Variants in RABGAP1L observed in about 807,000 individuals in gnomAD.
RABGAP1L encodes the protein rab GTPase-activating protein 1-like.
In RABGAP1L, 63 loss-of-function variants were observed where a neutral mutation model predicts 137.7. The ratio of observed to expected loss-of-function variants is 0.46; its 90% CI spans 0.37 to 0.56. The LOEUF is 0.56. Among genes scored for constraint, RABGAP1L ranks in the 20% least tolerant of loss-of-function variants. RABGAP1L has a pLI of 0.00. For synonymous variants in RABGAP1L, 431 were observed against 433.7 expected (o/e 0.99, Z 0.08); for missense variants, 1,095 against 1,244.0 (o/e 0.88, Z 1.80).
At chr1:174,892,866 A>G (rs1233087817) in intron 19 of RABGAP1L, among the ~76,000 whole-genome samples, 4 of 141,710 alleles carry the variant, frequency 2.8e-5, no homozygotes, top group Non-Finnish European at 6.1e-5. Flanking sequence ...AGTAGCTGGG[A>G]TTACAGGCGC....
intron 19 of RABGAP1L, chr1:174,877,464 AGCT>A: frequency 6.2e-7 from 1 of 1,613,640 alleles, no homozygotes. Flanking sequence ...CTGGGACAGC[AGCT>A]GCTGCTGTGG....
intron 1 of RABGAP1L, among the ~76,000 whole-genome samples, chr1:174,172,176 T>TTG (rs34345014): frequency 0.07 from 8,575 of 123,174 alleles, 380 homozygotes; most frequent in East Asian, 0.22. Flanking sequence ...TAATATTCCC[T>TTG]TGTGTGTGTG....
intron 1 of RABGAP1L, among the ~76,000 whole-genome samples, chr1:174,195,071 T>C (rs761061337): frequency 1.3e-5 from 2 of 152,174 alleles, no homozygotes; most frequent in Non-Finnish European, 2.9e-5. Context: ...AAGAGTATAT[T>C]ATATGAGTGA....
chr1:174,548,814 G>A (rs1191207738), intron 13 of RABGAP1L, among the ~76,000 whole-genome samples: 1 of 152,108 alleles, frequency 6.6e-6, no homozygotes, highest in African/African-American at 2.4e-5. Flanking sequence ...AACACTAAAA[G>A]TATACCTGAA....
At chr1:174,887,153 G>C (rs1655301425) in intron 19 of RABGAP1L, among the ~76,000 whole-genome samples, 1 of 152,074 alleles carries the variant, frequency 6.6e-6, no homozygotes, top group Admixed American at 6.6e-5. Flanking sequence ...AAATCAAAAG[G>C]CCACTTCCAA....
chr1:174,634,280 A>G (rs576063492), intron 13 of RABGAP1L, among the ~76,000 whole-genome samples: 361 of 124,050 alleles, frequency 2.9e-3, no homozygotes, highest in African/African-American at 9.7e-3. Flanking sequence ...AACACATGAA[A>G]AAATGCTCAT....
chr1:174,834,340 C>T (rs1212515505), intron 19 of RABGAP1L, among the ~76,000 whole-genome samples: 6 of 151,312 alleles, frequency 4.0e-5, no homozygotes, highest in Admixed American at 1.3e-4. Flanking sequence ...GCAGGAGAAT[C>T]GCTTGAACCT....
intron 13 of RABGAP1L, among the ~76,000 whole-genome samples, chr1:174,570,477 G>A (rs1001140012): frequency 3.9e-5 from 6 of 152,048 alleles, no homozygotes; most frequent in African/African-American, 1.4e-4. Flanking sequence ...TGATACACAC[G>A]AACATAAATA....
chr1:174,315,289 T>G (rs1417040596), intron 11 of RABGAP1L, among the ~76,000 whole-genome samples: 1 of 152,174 alleles, frequency 6.6e-6, no homozygotes. Context: ...TTTTCCACTA[T>G]AAGTATAGCT....
intron 4 of RABGAP1L, among the ~76,000 whole-genome samples, chr1:174,236,518 C>T (rs1475984328): frequency 3.3e-5 from 5 of 149,694 alleles, no homozygotes; most frequent in African/African-American, 4.9e-5. Context: ...GCCTTCATTT[C>T]GTTATGTACC....
At chr1:174,653,142 C>T (rs1057495895) in intron 14 of RABGAP1L, among the ~76,000 whole-genome samples, 1 of 152,148 alleles carries the variant, frequency 6.6e-6, no homozygotes, top group African/African-American at 2.4e-5. Flanking sequence ...GTGGACGCCC[C>T]TCCCCCAACC....
At chr1:174,365,695 C>T (rs539781172) in intron 11 of RABGAP1L, among the ~76,000 whole-genome samples, 3 of 152,308 alleles carry the variant, frequency 2.0e-5, no homozygotes, top group South Asian at 2.1e-4. Flanking sequence ...CTGCACCACA[C>T]GGTGGCTGCT....
intron 13 of RABGAP1L, among the ~76,000 whole-genome samples, chr1:174,395,838 T>TAAAAA (rs59466961): frequency 1.6e-5 from 2 of 125,856 alleles, no homozygotes; most frequent in Non-Finnish European, 3.4e-5. Context: ...ACCCTGTCTC[T>TAAAAA]AAAAAAAAAA....
intron 22 of RABGAP1L, among the ~76,000 whole-genome samples, chr1:174,977,852 A>G (rs892306674): frequency 1.3e-5 from 2 of 150,976 alleles, no homozygotes; most frequent in African/African-American, 4.9e-5. Context: ...TAACTTACCA[A>G]TTGCTTTTAG....
At chr1:174,511,232 G>A (rs1662300768) in intron 13 of RABGAP1L, among the ~76,000 whole-genome samples, 1 of 152,136 alleles carries the variant, frequency 6.6e-6, no homozygotes, top group South Asian at 2.1e-4. Context: ...TGTCTATAAG[G>A]TACATAAGGC....
intron 18 of RABGAP1L, among the ~76,000 whole-genome samples, chr1:174,810,578 CATGTAGTT>C (rs1345515392): frequency 1.3e-5 from 2 of 152,112 alleles, no homozygotes. Context: ...TTTGACACAG[CATGTAGTT>C]ATGTGATTTC....
chr1:174,461,295 A>C (rs1335954376), intron 13 of RABGAP1L, among the ~76,000 whole-genome samples: 1 of 152,042 alleles, frequency 6.6e-6, no homozygotes, highest in Non-Finnish European at 1.5e-5. Flanking sequence ...TTCAGTAGTT[A>C]AGCACTGACC....
intron 19 of RABGAP1L, among the ~76,000 whole-genome samples, chr1:174,830,316 C>T (rs1254915748): frequency 6.8e-6 from 1 of 147,278 alleles, no homozygotes; most frequent in Non-Finnish European, 1.5e-5. Context: ...GAGGAGAGAG[C>T]TGAAAGTCTG....
chr1:174,170,535 C>G (rs1665272298), intron 1 of RABGAP1L, among the ~76,000 whole-genome samples: 1 of 151,852 alleles, frequency 6.6e-6, no homozygotes, highest in South Asian at 2.1e-4. Context: ...ATTAACCAGG[C>G]GTGGTGGCAT....
Sources: allele counts gnomAD v4.1 joint callset (sites outside exome capture counted in the v4.1 genomes callset), GRCh38; gene constraint gnomAD v4.1.1; transcripts MANE v1.5; gene names NCBI Gene and HGNC (gene_info 2026-07-23, HGNC 2026-07-21).